ADAMTS13: variants seen among roughly 807,000 people sequenced by gnomAD.
ADAMTS13 encodes the protein ADAM metallopeptidase with thrombospondin type 1 motif 13.
ADAMTS13 carries 110 observed loss-of-function variants against 155.1 expected under a neutral mutation model. The ratio of observed to expected loss-of-function variants is 0.71; its 90% CI spans 0.61 to 0.83. The LOEUF (loss-of-function observed/expected upper bound fraction) is 0.83. Ranked by LOEUF, ADAMTS13 falls within the 40% of genes least tolerant of loss-of-function variation. The probability of loss-of-function intolerance (pLI) is 0.00; values close to 1 mark genes in which losing one functional copy is unlikely to be tolerated. For missense variants in ADAMTS13, 1,707 were observed against 1,891.7 expected, an observed-to-expected ratio of 0.90 and a Z score of 1.81; for synonymous variants, 758 against 756.4, an observed-to-expected ratio of 1.00 and a Z score of -0.03.
At chr9:133,418,344 G>A (rs1047824607), upstream of ADAMTS13, among the ~76,000 whole-genome samples, 1 of 152,190 alleles carries the variant, frequency 6.6e-6, no homozygotes, top group Admixed American at 6.5e-5. Flanking sequence ...CCTGCGTCCT[G>A]GACTCTCGAG....
Position 133,430,010 on chromosome 9 carries a change from C to T in ADAMTS13, c.896C>T (p.Ala299Val), listed in dbSNP as rs1027868756. 6.3e-7 allele frequency: 1 copy of T among 1,579,168 alleles called. No individual in the cohort carries two copies. Among genetic ancestry groups the T allele is most frequent in the Non-Finnish European group, 8.6e-7 (1 of 1,167,874 alleles). The change falls in exon 8 of 29, where the codon GCG becomes GTG. Residue 299 changes from alanine (A) to valine (V), a missense_variant. Transcript: ENST00000355699. The part of the protein sequence containing the change: ...QPGSAGHPPD[A>V]QPGLYYSANE... ...GGGTCCGCGGGGCACCCGCCGGATG[C>T]GCAGCCTGGCCTCTACTACAGCGCC...
intron 23 of ADAMTS13, among the ~76,000 whole-genome samples, 173 bp from the exon 24 acceptor site, chr9:133,454,242 C>T (rs1223628846): frequency 6.6e-6 from 1 of 152,186 alleles, no homozygotes; most frequent in Non-Finnish European, 1.5e-5. Context: ...CTCCTGTGGC[C>T]GTGAGCCCTG....
chr9:133,428,630 C>G lies in ADAMTS13; in HGVS notation c.687-4C>G. 1 of 1,321,952 alleles carries G rather than the reference C, an allele frequency of 7.6e-7. No individual in the cohort carries two copies. Among genetic ancestry groups the G allele is most frequent in the African/African-American group, 1.5e-5 (1 of 64,862 alleles). 81.9% of individuals were successfully genotyped at this position (1,321,952 alleles called of 1,614,324 possible). ...CTTAGCGCAACTCCCCGCCCCCCGA[C>G]CAGCTTCGGCCTGGAGCACGACGGC... is the stretch of plus-strand genomic sequence containing the variant. On this transcript the variant is annotated splice_polypyrimidine_tract_variant and splice_region_variant and intron_variant, in intron 6 of 28. Transcript: ENST00000355699.
Position 133,425,721 on chromosome 9 carries a change from A to G in ADAMTS13, c.414+109A>G, listed in dbSNP as rs587599196. The G allele has an allele frequency of 2.8e-6, 4 of 1,422,340 alleles. No individual in the cohort carries two copies. The highest frequency in any genetic ancestry group is 2.5e-5 in the East Asian group (1 of 40,434). 88.1% of individuals were successfully genotyped at this position (1,422,340 alleles called of 1,614,324 possible). On this transcript the variant is annotated intron_variant, in intron 4 of 28. Coordinates refer to ENST00000355699, the MANE Select transcript of ADAMTS13 (RefSeq NM_139027.6). The surrounding 1 kb of genome is among the most constrained non-coding windows in gnomAD (Gnocchi z 4.6). ...CCGGATGCCCCAAGCAGCATGGATCACAGAATGCATTCAGCCAGACAGACC... is the reference window on the plus strand; with the variant it reads ...CCGGATGCCCCAAGCAGCATGGATCGCAGAATGCATTCAGCCAGACAGACC...
rs1554796562 is a variant in ADAMTS13 at position 133,457,890 on chromosome 9, T to C, written c.3725-20T>C. 1 of 1,613,636 alleles carries C rather than the reference T, an allele frequency of 6.2e-7. No individual in the cohort carries two copies. The highest frequency in any genetic ancestry group is 1.7e-5 in the Admixed American group (1 of 60,020). ...CCACCGGTCTGTCTGGGTTCCTATG[T>C]CCCTATGTCCCACCTGCAGAATGTG... On this transcript the variant is annotated intron_variant, in intron 27 of 28. Transcript: ENST00000355699.
exon 1 of ADAMTS13, chr9:133,414,500 G>A (rs913141996): frequency 6.8e-6 from 5 of 737,192 alleles, no homozygotes; most frequent in South Asian, 2.9e-5. Context: ...CTTATCATGC[G>A]CACACTCTAG....
At chr9:133,438,747 C>G (rs1841437171) in intron 14 of ADAMTS13, among the ~76,000 whole-genome samples, 1 of 152,056 alleles carries the variant, frequency 6.6e-6, no homozygotes, top group Admixed American at 6.6e-5. Context: ...AACCCCATCT[C>G]TACTAAAAAT....
chr9:133,451,483 C>T (rs1554794338), intron 23 of ADAMTS13, among the ~76,000 whole-genome samples: 1 of 152,184 alleles, frequency 6.6e-6, no homozygotes, highest in African/African-American at 2.4e-5. Flanking sequence ...ATCTTGAACT[C>T]CTGACCTCAG....
intron 11 of ADAMTS13, among the ~76,000 whole-genome samples, chr9:133,435,535 T>TA (rs1031738169): frequency 6.1e-5 from 9 of 147,396 alleles, no homozygotes; most frequent in Admixed American, 1.4e-4. Flanking sequence ...CTTTCTTTAT[T>TA]TTTTTTTTTT....
chr9:133,448,771 A>G, intron 22 of ADAMTS13, 43 bp downstream of exon 22: 1 of 1,589,732 alleles, frequency 6.3e-7, no homozygotes, highest in South Asian at 1.1e-5. Context: ...TTCTCCCTGT[A>G]AGTGGGAGAC....
intron 9 of ADAMTS13, 72 bp from the exon 10 acceptor site, chr9:133,433,304 ACT>A (rs1337889127): frequency 1.9e-6 from 3 of 1,585,160 alleles, no homozygotes; most frequent in East Asian, 2.3e-5. Context: ...ATGTTGGGGG[ACT>A]CTCTGTGTGT....
At position 133,456,146 on chromosome 9, in the gene ADAMTS13, G is replaced by A. The variant is rs1842728594; in HGVS notation, c.3478G>A (p.Ala1160Thr). 1.9e-6 allele frequency: 3 copies of A among 1,613,492 alleles called. No homozygotes were observed. Among genetic ancestry groups the A allele is most frequent in the Non-Finnish European group, 1.7e-6 (2 of 1,180,038 alleles). Residue 1160 changes from alanine (A) to threonine (T), a missense_variant, in exon 26 of 29, where the codon GCC (alanine) becomes ACC (threonine). Transcript: ENST00000355699. The surrounding 1 kb of genome is among the most constrained non-coding windows in gnomAD (Gnocchi z 4.4). ...RGPGQADCAV[A>T]IGRPLGEVVT... ...CCCAGGGCAGGCAGACTGTGCAGTGGCCATTGGGCGGCCCCTCGGGGAGGT... is the reference window on the plus strand; with the variant it reads ...CCCAGGGCAGGCAGACTGTGCAGTGACCATTGGGCGGCCCCTCGGGGAGGT...
chr9:133,458,566 A>AAAAAAAAAAC (rs1842889053), intron 28 of ADAMTS13, among the ~76,000 whole-genome samples: 1 of 151,146 alleles, frequency 6.6e-6, no homozygotes. Flanking sequence ...AAAAAAAAAA[A>AAAAAAAAAAC]AAAAAAAAAA....
Position 133,456,136 on chromosome 9 carries a change from C to T in ADAMTS13, c.3468C>T (p.Asp1156=), listed in dbSNP as rs1296550085. The T allele has an allele frequency of 6.2e-7, 1 of 1,613,472 alleles. No homozygotes were observed. Among genetic ancestry groups the T allele is most frequent in the Non-Finnish European group, 8.5e-7 (1 of 1,180,044 alleles). Residue 1156 remains aspartate (D), a synonymous_variant, in exon 26 of 29, where the codon GAC becomes GAT. Transcript: ENST00000355699. This position sits in a 1 kb window ranked among gnomAD's most constrained non-coding sequence, Gnocchi z 4.4. ...TIDMRGPGQA[D]CAVAIGRPLG... ...ACATGCGAGGCCCAGGGCAGGCAGA[C>T]TGTGCAGTGGCCATTGGGCGGCCCC...
At chr9:133,452,253 C>G (rs944890967) in intron 23 of ADAMTS13, among the ~76,000 whole-genome samples, 4 of 151,720 alleles carry the variant, frequency 2.6e-5, no homozygotes, top group Non-Finnish European at 5.9e-5. Flanking sequence ...GCTGGGATTA[C>G]AGGTGCCCGC....
intron 8 of ADAMTS13, among the ~76,000 whole-genome samples, chr9:133,432,237 C>T (rs1840822734): frequency 6.6e-6 from 1 of 152,050 alleles, no homozygotes; most frequent in Admixed American, 6.5e-5. Flanking sequence ...TGCCCTCCAG[C>T]CTGGGCAACA....
chr9:133,443,822 G>A (rs953786362), intron 19 of ADAMTS13, among the ~76,000 whole-genome samples: 1 of 152,048 alleles, frequency 6.6e-6, no homozygotes, highest in African/African-American at 2.4e-5. Flanking sequence ...CCTGCCTGGG[G>A]AGGGGGGGCT....
At chr9:133,450,761 A>G (rs1028139686) in intron 23 of ADAMTS13, among the ~76,000 whole-genome samples, 4 of 152,064 alleles carry the variant, frequency 2.6e-5, no homozygotes, top group Non-Finnish European at 4.4e-5. Flanking sequence ...AAAACAAAAC[A>G]ACAAAACAAA....
At position 133,438,373 on chromosome 9, in the gene ADAMTS13, G is replaced by A. The variant is rs78739717; in HGVS notation, c.1705+7G>A. On this transcript the variant is annotated splice_region_variant and intron_variant, in intron 14 of 28. Transcript: ENST00000355699. ...ACAGCTGGCAGAGCGAGAGGTAGGC[G>A]GCCTCCCTCGGGGCAGAGGCTGGGC... is the stretch of plus-strand genomic sequence containing the variant. 1.5e-3 allele frequency: 2,409 copies of A among 1,613,540 alleles called. 25 individuals carry two copies. In the East Asian group the frequency reaches 0.023, roughly 15 times the overall value.
Sources: gnomAD v4.1 joint callset for allele counts (sites outside exome capture counted in the v4.1 genomes callset) on GRCh38, gnomAD v4.1.1 for gene constraint, Gnocchi (gnomAD v3.1) non-coding constraint, MANE v1.5 for transcripts, NCBI Gene and HGNC (gene_info 2026-07-23, HGNC 2026-07-21) for gene names.